The following FARS2 variants were observed in gnomAD, a reference collection of about 807,000 sequenced individuals.
The protein encoded by FARS2 is phenylalanyl-tRNA synthetase 2, mitochondrial, also known as phenylalanine--tRNA ligase, mitochondrial.
A neutral mutation model predicts 46.4 loss-of-function variants in FARS2; 40 were observed. The ratio of observed to expected loss-of-function variants is 0.86; its 90% CI spans 0.67 to 1.12. The LOEUF (loss-of-function observed/expected upper bound fraction) is 1.12. Among genes scored for constraint, FARS2 ranks in the 50% most tolerant of loss-of-function variants. The pLI is 0.00. For missense variants in FARS2, 513 were observed against 567.9 expected (o/e 0.90, Z 0.98); for synonymous variants, 234 against 214.9 (o/e 1.09, Z -0.78).
At position 5,709,745 on chromosome 6, in the gene FARS2, T is replaced by C. The variant is rs868087171; in HGVS notation, c.1218-61546T>C. On this transcript the variant is annotated intron_variant, in intron 6 of 6. Coordinates refer to ENST00000274680, the MANE Select transcript of FARS2 (RefSeq NM_006567.5). ...GGGGGTGGGGTTGTGTGTGTGTGTGTGCGCGCGCGCGTGTGTGTGTGTGAG... is the reference window on the plus strand; with the variant it reads ...GGGGGTGGGGTTGTGTGTGTGTGTGCGCGCGCGCGCGTGTGTGTGTGTGAG... Among the ~76,000 whole-genome samples, 7 of 150,528 alleles carry C rather than the reference T, an allele frequency of 4.7e-5. No individual in the cohort carries two copies. In the East Asian group the frequency reaches 5.9e-4, roughly 13 times the overall value.
chr6:5,523,200 C>CT lies in FARS2; in HGVS notation c.905-21979dup, dbSNP rs1280399280. On this transcript the variant is annotated intron_variant, in intron 4 of 6. Coordinates refer to ENST00000274680, the MANE Select transcript of FARS2 (RefSeq NM_006567.5). Reference sequence around the variant, plus strand: ...TCGTCATTTTCATGACCAGTCCAGTCTAATGGCAAAGCTTCCGTCTTCCGT... The same window carrying CT: ...TCGTCATTTTCATGACCAGTCCAGTCTTAATGGCAAAGCTTCCGTCTTCCGT... Among the ~76,000 whole-genome samples, 6 of 152,306 alleles carry CT rather than the reference C, an allele frequency of 3.9e-5. 1 individual carries two copies. In the East Asian group the frequency reaches 9.6e-4, roughly 24 times the overall value.
chr6:5,756,604 C>T (rs1316405507), intron 6 of FARS2, among the ~76,000 whole-genome samples: 1 of 152,192 alleles, frequency 6.6e-6, no homozygotes, highest in Non-Finnish European at 1.5e-5. Context: ...TTCCCATCAT[C>T]CAATCACTTC....
At chr6:5,711,267 A>G (rs943162031) in intron 6 of FARS2, among the ~76,000 whole-genome samples, 2 of 149,388 alleles carry the variant, frequency 1.3e-5, no homozygotes, top group African/African-American at 5.0e-5. Flanking sequence ...ATCCGATTAT[A>G]CCAATATAAA....
intron 4 of FARS2, among the ~76,000 whole-genome samples, chr6:5,458,477 C>T (rs1765040503): frequency 1.3e-5 from 2 of 152,128 alleles, no homozygotes; most frequent in African/African-American, 4.8e-5. Context: ...ATGGGAAGAG[C>T]AGGAGGTGAC....
intron 6 of FARS2, among the ~76,000 whole-genome samples, chr6:5,747,716 C>A (rs1024264184): frequency 6.6e-6 from 1 of 152,208 alleles, no homozygotes; most frequent in East Asian, 1.9e-4. Flanking sequence ...AGGGTTCAGT[C>A]ACTTGTTGAA....
intron 4 of FARS2, among the ~76,000 whole-genome samples, chr6:5,508,788 G>A (rs564742034): frequency 6.6e-6 from 1 of 152,340 alleles, no homozygotes; most frequent in East Asian, 1.9e-4. Flanking sequence ...GGGCGGACTG[G>A]AATGGGAAGC....
intron 6 of FARS2, among the ~76,000 whole-genome samples, chr6:5,704,589 G>A (rs1056851289): frequency 1.3e-5 from 2 of 152,148 alleles, no homozygotes; most frequent in Non-Finnish European, 2.9e-5. Flanking sequence ...ATTTCCCTTT[G>A]CAACAATGGT....
At chr6:5,278,184 G>T (rs1382265212) in intron 1 of FARS2, among the ~76,000 whole-genome samples, 1 of 152,186 alleles carries the variant, frequency 6.6e-6, no homozygotes, top group Non-Finnish European at 1.5e-5. Flanking sequence ...TGTGATCTGT[G>T]AGTAAATGAC....
chr6:5,465,792 A>T (rs1765480431), intron 4 of FARS2, among the ~76,000 whole-genome samples: 1 of 152,040 alleles, frequency 6.6e-6, no homozygotes, highest in Non-Finnish European at 1.5e-5. Context: ...TTTTAATGTA[A>T]GCATCATTAG....
intron 6 of FARS2, among the ~76,000 whole-genome samples, chr6:5,646,987 C>G (rs1777113950): frequency 6.6e-6 from 1 of 152,192 alleles, no homozygotes; most frequent in South Asian, 2.1e-4. Flanking sequence ...GATGAACCCC[C>G]TCCATGTCCC....
rs181541254 is a variant in FARS2, at chr6:5,279,100, G to A, written c.-22+17440G>A. On this transcript the variant is annotated intron_variant, in intron 1 of 6. Transcript: ENST00000274680. ...TGTGAGATTAGAAAATCTTGAGGCC[G>A]GGCACAGTGGCTGATGCCTGTAACC... is the stretch of plus-strand genomic sequence containing the variant. 3.7e-3 allele frequency among the ~76,000 whole-genome samples: 562 copies of A among 152,154 alleles called. 1 individual carries two copies. The highest frequency in any genetic ancestry group is 0.013 in the African/African-American group (548 of 41,504).
At chr6:5,346,849 T>A (rs1182248541) in intron 1 of FARS2, among the ~76,000 whole-genome samples, 1 of 152,068 alleles carries the variant, frequency 6.6e-6, no homozygotes, top group East Asian at 1.9e-4. Flanking sequence ...TTTATAATTC[T>A]TTTTTTAGAG....
At chr6:5,389,713 T>G (rs550673703) in intron 2 of FARS2, among the ~76,000 whole-genome samples, 7 of 152,190 alleles carry the variant, frequency 4.6e-5, no homozygotes, top group Non-Finnish European at 7.4e-5. Flanking sequence ...GTGACATTAT[T>G]ATATTTGTCT....
At chr6:5,267,243 T>A (rs980789660) in intron 1 of FARS2, among the ~76,000 whole-genome samples, 2 of 152,064 alleles carry the variant, frequency 1.3e-5, no homozygotes, top group African/African-American at 4.8e-5. Context: ...ACCATGAGAA[T>A]TCTTTTACAG....
intron 1 of FARS2, among the ~76,000 whole-genome samples, chr6:5,361,264 A>G (rs1758284641): frequency 6.6e-6 from 1 of 152,188 alleles, no homozygotes; most frequent in African/African-American, 2.4e-5. Context: ...TGACTGCATA[A>G]TATTTTATTG....
At chr6:5,697,691 G>A (rs1758188603) in intron 6 of FARS2, among the ~76,000 whole-genome samples, 1 of 152,168 alleles carries the variant, frequency 6.6e-6, no homozygotes, top group Non-Finnish European at 1.5e-5. Flanking sequence ...CTTTGAAGTA[G>A]TTTCAGGTCA....
chr6:5,432,341 TATA>T (rs1323922528), intron 4 of FARS2, among the ~76,000 whole-genome samples: 34 of 33,130 alleles, frequency 1.0e-3, no homozygotes, highest in Non-Finnish European at 6.0e-4. Flanking sequence ...TATATATATA[TATA>T]TATATATTAT....
At chr6:5,351,074 A>G (rs940459945) in intron 1 of FARS2, among the ~76,000 whole-genome samples, 1 of 152,172 alleles carries the variant, frequency 6.6e-6, no homozygotes, top group Non-Finnish European at 1.5e-5. Context: ...GTGGTAGGAT[A>G]TTACCTCAGT....
chr6:5,766,325 C>T (rs1762747750), intron 6 of FARS2, among the ~76,000 whole-genome samples: 1 of 152,228 alleles, frequency 6.6e-6, no homozygotes, highest in African/African-American at 2.4e-5. Flanking sequence ...CTTACCCTTG[C>T]AGCCATCCCA....
Sources: allele counts gnomAD v4.1 joint callset (sites outside exome capture counted in the v4.1 genomes callset), GRCh38; gene constraint gnomAD v4.1.1; transcripts MANE v1.5; gene names NCBI Gene and HGNC (gene_info 2026-07-23, HGNC 2026-07-21).